Variants in HCN1 observed in about 807,000 individuals in gnomAD.
The protein encoded by HCN1 is potassium/sodium hyperpolarization-activated cyclic nucleotide-gated channel 1.
A neutral mutation model predicts 78.9 loss-of-function variants in HCN1; 13 were observed. The observed-to-expected ratio is 0.16, with a 90% CI of 0.11 to 0.26. The LOEUF is 0.26. HCN1 is among the 10% of genes least tolerant of loss of function. The pLI is 1.00. For missense variants in HCN1, 810 were observed against 1,154.3 expected (o/e 0.70, Z 4.32); for synonymous variants, 552 against 455.5 (o/e 1.21, Z -2.70).
At chr5:45,285,193 C>G (rs1431369400) in intron 6 of HCN1, among the ~76,000 whole-genome samples, 1 of 151,994 alleles carries the variant, frequency 6.6e-6, no homozygotes, top group African/African-American at 2.4e-5. Flanking sequence ...TTCTTTGACA[C>G]ACTACTATTC....
chr5:45,488,858 G>C (rs1741823688), intron 2 of HCN1, among the ~76,000 whole-genome samples: 3 of 152,094 alleles, frequency 2.0e-5, no homozygotes, highest in Admixed American at 2.0e-4. Flanking sequence ...GACCACAATT[G>C]TGTCAAGAAA....
intron 5 of HCN1, among the ~76,000 whole-genome samples, chr5:45,344,810 T>C (rs1746663859): frequency 6.6e-6 from 1 of 152,170 alleles, no homozygotes; most frequent in South Asian, 2.1e-4. Flanking sequence ...ATTGAGTATC[T>C]GCAGTTTTTC....
At chr5:45,672,838 T>A (rs1746179733) in intron 1 of HCN1, among the ~76,000 whole-genome samples, 1 of 151,428 alleles carries the variant, frequency 6.6e-6, no homozygotes, top group African/African-American at 2.4e-5. Flanking sequence ...AACCTTTGCT[T>A]TAGAATAGTC....
chr5:45,349,407 C>T (rs1055649605), intron 5 of HCN1, among the ~76,000 whole-genome samples: 1 of 152,066 alleles, frequency 6.6e-6, no homozygotes, highest in South Asian at 2.1e-4. Context: ...ACTAAATGCC[C>T]ACAAGAGAAA....
At chr5:45,604,721 T>C (rs910697421) in intron 2 of HCN1, among the ~76,000 whole-genome samples, 1 of 151,942 alleles carries the variant, frequency 6.6e-6, no homozygotes, top group Non-Finnish European at 1.5e-5. Context: ...ATAAGACATG[T>C]ACAGATAATT....
At chr5:45,392,526 CA>C (rs911931252) in intron 4 of HCN1, among the ~76,000 whole-genome samples, 3 of 151,820 alleles carry the variant, frequency 2.0e-5, no homozygotes, top group Non-Finnish European at 4.4e-5. Context: ...CCTTCTTTTC[CA>C]AAAGGCCACT....
intron 2 of HCN1, among the ~76,000 whole-genome samples, chr5:45,599,387 C>T (rs1486439096): frequency 7.0e-6 from 1 of 143,290 alleles, no homozygotes; most frequent in Non-Finnish European, 1.5e-5. Context: ...TGGCGGGGAA[C>T]ATCACACAGC....
chr5:45,447,755 C>T (rs1279053080), intron 3 of HCN1, among the ~76,000 whole-genome samples: 1 of 152,162 alleles, frequency 6.6e-6, no homozygotes, highest in Admixed American at 6.5e-5. Flanking sequence ...CTTGTAGAAA[C>T]ATTTGTATAA....
Position 45,640,535 on chromosome 5 carries a change from G to A in HCN1, c.849+4650C>T, listed in dbSNP as rs145233557. On this transcript the variant is annotated intron_variant, in intron 2 of 7. Coordinates refer to ENST00000303230, the MANE Select transcript of HCN1 (RefSeq NM_021072.4). ...GGTATTGACTGTCACGATAGAGTGT[G>A]TCAATGTAGAATACCTTCTGGAAAT... is the stretch of plus-strand genomic sequence containing the variant. 1.7e-3 allele frequency among the ~76,000 whole-genome samples: 262 copies of A among 151,668 alleles called. 2 individuals carry two copies. Among genetic ancestry groups the A allele is most frequent in the African/African-American group, 6.1e-3 (251 of 41,374 alleles).
At chr5:45,313,417 A>G (rs894283046) in intron 5 of HCN1, among the ~76,000 whole-genome samples, 3 of 152,208 alleles carry the variant, frequency 2.0e-5, no homozygotes, top group Non-Finnish European at 2.9e-5. Context: ...AGGTGGGGAA[A>G]AAAACAGAGC....
chr5:45,520,212 T>C lies in HCN1; in HGVS notation c.850-58205A>G, dbSNP rs115793194. 6.7e-3 allele frequency among the ~76,000 whole-genome samples: 1,023 copies of C among 152,154 alleles called. 7 individuals are homozygous for C. The highest frequency in any genetic ancestry group is 0.024 in the African/African-American group (980 of 41,542). ...TCTTTATTGAACATTATTTGGGCAT[T>C]ACTGCATTGGTCATATGAGAATGTG... On this transcript the variant is annotated intron_variant, in intron 2 of 7. Transcript: ENST00000303230.
intron 1 of HCN1, among the ~76,000 whole-genome samples, chr5:45,687,583 G>C (rs1739833385): frequency 2.0e-5 from 3 of 151,880 alleles, no homozygotes. Context: ...AAATATTTAT[G>C]AAGATATCAT....
At chr5:45,560,555 T>C (rs1455408571) in intron 2 of HCN1, among the ~76,000 whole-genome samples, 1 of 151,988 alleles carries the variant, frequency 6.6e-6, no homozygotes, top group African/African-American at 2.4e-5. Context: ...TAAAAATATA[T>C]AATTTTTGAA....
intron 4 of HCN1, among the ~76,000 whole-genome samples, chr5:45,372,057 T>C (rs1281063147): frequency 1.8e-5 from 1 of 55,268 alleles, no homozygotes; most frequent in Admixed American, 3.3e-4. Context: ...ATATATAATA[T>C]AATTATATTA....
intron 2 of HCN1, among the ~76,000 whole-genome samples, chr5:45,627,814 A>C (rs780869683): frequency 3.9e-5 from 6 of 152,196 alleles, no homozygotes; most frequent in Non-Finnish European, 8.8e-5. Flanking sequence ...TACTTTACTT[A>C]AGTGGCAGGG....
intron 6 of HCN1, among the ~76,000 whole-genome samples, chr5:45,302,572 A>C (rs1381078288): frequency 6.6e-6 from 1 of 151,784 alleles, no homozygotes; most frequent in Non-Finnish European, 1.5e-5. Context: ...ATAGTCTTTG[A>C]CCCAGTAAAT....
At chr5:45,541,512 T>C (rs902628469) in intron 2 of HCN1, among the ~76,000 whole-genome samples, 7 of 152,324 alleles carry the variant, frequency 4.6e-5, no homozygotes, top group African/African-American at 1.7e-4. Flanking sequence ...GTTCTTTCAT[T>C]GAATCTTGAA....
chr5:45,529,374 G>A (rs528328792), intron 2 of HCN1, among the ~76,000 whole-genome samples: 2 of 151,908 alleles, frequency 1.3e-5, no homozygotes, highest in Admixed American at 6.6e-5. Flanking sequence ...CAATTTTCAT[G>A]ATTTCATTAA....
chr5:45,584,047 G>T (rs1166715802), intron 2 of HCN1, among the ~76,000 whole-genome samples: 1 of 152,112 alleles, frequency 6.6e-6, no homozygotes, highest in Non-Finnish European at 1.5e-5. Flanking sequence ...TATTAGGTCC[G>T]CTTGCTGCAG....
Sources: gnomAD v4.1 joint callset for allele counts (sites outside exome capture counted in the v4.1 genomes callset) on GRCh38, gnomAD v4.1.1 for gene constraint, MANE v1.5 for transcripts, NCBI Gene and HGNC (gene_info 2026-07-23, HGNC 2026-07-21) for gene names.